Variants in PIK3R2 observed in about 807,000 individuals in gnomAD.
The protein encoded by PIK3R2 is phosphatidylinositol 3-kinase regulatory subunit beta.
In PIK3R2, 40 loss-of-function variants were observed where a neutral mutation model predicts 78.5. The ratio of observed to expected loss-of-function variants is 0.51; its 90% CI spans 0.40 to 0.66. The LOEUF is 0.66. Ranked by LOEUF, PIK3R2 falls within the 30% of genes least tolerant of loss-of-function variation. The pLI is 0.00. For missense variants in PIK3R2, 880 were observed against 1,026.6 expected (o/e 0.86, Z 1.95); for synonymous variants, 473 against 457.7 (o/e 1.03, Z -0.43).
At position 18,155,645 on chromosome 19, in the gene PIK3R2, C is replaced by A; in HGVS notation, c.-235C>A. 1 of 543,968 alleles carries A rather than the reference C, an allele frequency of 1.8e-6. No individual in the cohort carries two copies. The highest frequency in any genetic ancestry group is 3.3e-5 in the East Asian group (1 of 29,936). 33.7% of individuals were successfully genotyped at this position (543,968 alleles called of 1,614,324 possible). ...GTGACCTGACACCACACCACCAACT[C>A]CCTCCCACCAGCTGACGAATGGTGG... On this transcript the variant is annotated 5_prime_UTR_variant, in exon 2 of 16. Coordinates refer to ENST00000222254, the MANE Select transcript of PIK3R2 (RefSeq NM_005027.4).
intron 11 of PIK3R2, among the ~76,000 whole-genome samples, chr19:18,165,480 G>A (rs1204772744): frequency 6.6e-6 from 1 of 152,076 alleles, no homozygotes; most frequent in Non-Finnish European, 1.5e-5. Flanking sequence ...GTTGCAGTGA[G>A]CCAAGATCAC....
Position 18,167,041 on chromosome 19 carries a change from TAGG to T in PIK3R2, c.1560-85_1560-83del. 8.8e-7 allele frequency: 1 copy of T among 1,137,966 alleles called. No individual in the cohort carries two copies. The highest frequency in any genetic ancestry group is 1.2e-6 in the Non-Finnish European group (1 of 831,794). 70.5% of individuals were successfully genotyped at this position (1,137,966 alleles called of 1,614,324 possible). A position where few individuals can be genotyped will look rare whatever the true frequency, so the allele number is the denominator to read the frequency against. ...GTCCCAGCTACTCGGGAGGCTGAGG[TAGG>T]AGGGTCACCTGAGCCCAGGAGTTTG... On this transcript the variant is annotated intron_variant, in intron 12 of 15. Coordinates refer to ENST00000222254, the MANE Select transcript of PIK3R2 (RefSeq NM_005027.4). The surrounding 1 kb of genome is among the most constrained non-coding windows in gnomAD (Gnocchi z 4.5).
rs777562346 is a variant in PIK3R2, at chr19:18,162,284, T to C, written c.984T>C (p.Ala328=). ...GGAGCCCACCCTCCCTGCAGGATGC[T>C]GAGTGGTACTGGGGGGACATTTCAA... The part of the protein sequence containing the change: ...NGGSPPSLQD[A]EWYWGDISRE... Residue 328 remains alanine, a synonymous_variant, in exon 8 of 16, where the codon GCT becomes GCC. Coordinates refer to ENST00000222254, the MANE Select transcript of PIK3R2 (RefSeq NM_005027.4). 1 of 1,609,724 alleles carries C rather than the reference T, an allele frequency of 6.2e-7. No individual in the cohort carries two copies. The highest frequency in any genetic ancestry group is 2.2e-5 in the East Asian group (1 of 44,816).
chr19:18,161,183 G>A lies in PIK3R2; in HGVS notation c.596G>A (p.Arg199Gln), dbSNP rs1322126244. ...TCGGCCGAGGCGCGCCGGGCCCTGC[G>A]GGGTGAGCCTGGCGGGTAGCCCGGG... ...EASAEARRAL[R>Q]EAAGPVGPAL... Residue 199 changes from arginine (R) to glutamine (Q), a missense_variant and splice_region_variant, in exon 5 of 16, where the codon CGG becomes CAG. By Grantham distance (43) the Arg-to-Gln change is conservative (BLOSUM62 1). Around this residue, in one of 3 missense-constraint regions of PIK3R2, gnomAD observed 456 missense variants for 486.6 expected, o/e 0.94. Transcript: ENST00000222254. The surrounding 1 kb of genome is among the most constrained non-coding windows in gnomAD (Gnocchi z 5.3). 5 of 1,545,804 alleles carry A rather than the reference G, an allele frequency of 3.2e-6. No individual in the cohort carries two copies. The highest frequency in any genetic ancestry group is 2.7e-5 in the African/African-American group (2 of 72,956).
At chr19:18,159,312 A>G (rs907351119) in intron 2 of PIK3R2, among the ~76,000 whole-genome samples, 2 of 151,684 alleles carry the variant, frequency 1.3e-5, no homozygotes, top group African/African-American at 4.8e-5. Context: ...TTATTCTGTC[A>G]TGTTTCTGGA....
In PIK3R2 at chr19:18,167,246, G is replaced by A. The variant is rs530214511; in HGVS notation, c.1676G>A (p.Arg559His). ...QASDNREIDK[R>H]MNSLKPDLMQ... ...TCGGACAACAGAGAGATCGACAAGC[G>A]CATGAACAGCCTCAAGCCGGACCTC... The change falls in exon 13 of 16, where the codon CGC (arginine) becomes CAC (histidine). Residue 559 changes from arginine to histidine, a missense_variant. Arg to His is a conservative substitution (Grantham distance 29, BLOSUM62 0). Coordinates refer to ENST00000222254, the MANE Select transcript of PIK3R2 (RefSeq NM_005027.4). The surrounding 1 kb of genome is among the most constrained non-coding windows in gnomAD (Gnocchi z 4.5). 1.9e-5 allele frequency: 30 copies of A among 1,612,440 alleles called. No homozygotes were observed. The Admixed American group carries it at 2.0e-4, about 11-fold the overall frequency.
intron 11 of PIK3R2, among the ~76,000 whole-genome samples, chr19:18,165,120 A>T (rs1361599898): frequency 6.6e-6 from 1 of 151,520 alleles, no homozygotes; most frequent in South Asian, 2.1e-4. Context: ...CTGTAATCCC[A>T]GCACTTTGGG....
At position 18,168,222 on chromosome 19, in the gene PIK3R2, T is replaced by C. The variant is rs2043827999; in HGVS notation, c.1737-253T>C. Among the ~76,000 whole-genome samples, 1 of 152,116 alleles carries C rather than the reference T, an allele frequency of 6.6e-6. No homozygotes were observed. Among genetic ancestry groups the C allele is most frequent in the Non-Finnish European group, 1.5e-5 (1 of 68,010 alleles). ...ATGAGGGGCCTGGGCTGGCATCTTC[T>C]TGGGGGACTCCATAGGCGTTAACAG... is the stretch of plus-strand genomic sequence containing the variant. On this transcript the variant is annotated intron_variant, in intron 13 of 15. Transcript: ENST00000222254. This position sits in a 1 kb window ranked among gnomAD's most constrained non-coding sequence, Gnocchi z 4.1.
At chr19:18,159,126 G>A (rs2043712340) in intron 2 of PIK3R2, among the ~76,000 whole-genome samples, 1 of 123,646 alleles carries the variant, frequency 8.1e-6, no homozygotes, top group Admixed American at 9.9e-5. Flanking sequence ...ATAGGAGTGA[G>A]CCACTGCGCC....
chr19:18,160,915 C>T lies in PIK3R2; in HGVS notation c.416-4C>T. 6.2e-7 allele frequency: 1 copy of T among 1,607,030 alleles called. No homozygotes were observed. The highest frequency in any genetic ancestry group is 8.5e-7 in the Non-Finnish European group (1 of 1,177,326). On this transcript the variant is annotated splice_region_variant and splice_polypyrimidine_tract_variant and intron_variant, in intron 3 of 15. Transcript: ENST00000222254. ...GCTGACTCGCCTGTCCCCTTCACCC[C>T]CAGGGCTGGACAGCGAATCTCACTA...
In PIK3R2 at chr19:18,163,811, G is replaced by A. The variant is rs550588481; in HGVS notation, c.1416+423G>A. On this transcript the variant is annotated intron_variant, in intron 11 of 15. Transcript: ENST00000222254. ...CACTCCAGCCTGGGTGACAGGGCAC[G>A]ACCTTGTCTCTAAAAACAGAAATAA... is the stretch of plus-strand genomic sequence containing the variant. Among the ~76,000 whole-genome samples, 7 of 49,134 alleles carry A rather than the reference G, an allele frequency of 1.4e-4. No homozygotes were observed. In the East Asian group the frequency reaches 2.7e-3, roughly 19 times the overall value. 32.2% of individuals were successfully genotyped at this position (49,134 alleles called of 152,430 possible). A position where few individuals can be genotyped will look rare whatever the true frequency, so the allele number is the denominator to read the frequency against.
chr19:18,160,832 A>C, intron 3 of PIK3R2, 87 bp from the exon 4 acceptor site: 20 of 1,377,866 alleles, frequency 1.5e-5, no homozygotes, highest in Non-Finnish European at 1.8e-5. Flanking sequence ...GCAAAGGGAG[A>C]CTGCAGGGGG....
intron 12 of PIK3R2, among the ~76,000 whole-genome samples, chr19:18,166,720 A>G (rs1216433553): frequency 6.6e-6 from 1 of 151,628 alleles, no homozygotes; most frequent in Non-Finnish European, 1.5e-5. Flanking sequence ...AAAAAAAAAA[A>G]AAAAAGAAAT....
chr19:18,158,523 CGAG>C (rs1184934794), intron 2 of PIK3R2, among the ~76,000 whole-genome samples: 2 of 83,900 alleles, frequency 2.4e-5, no homozygotes, highest in African/African-American at 4.2e-5. Context: ...CAACAAAAAA[CGAG>C]GAGGCCAAGG....
At position 18,161,348 on chromosome 19, in the gene PIK3R2, G is replaced by A. The variant is rs1364465738; in HGVS notation, c.668G>A (p.Arg223His). The change falls in exon 6 of 16, where the codon CGC (arginine) becomes CAC (histidine). Residue 223 changes from arginine to histidine, a missense_variant. By Grantham distance (29) the Arg-to-His change is conservative. Around this residue, in one of 3 missense-constraint regions of PIK3R2, gnomAD observed 456 missense variants for 486.6 expected, o/e 0.94. Coordinates refer to ENST00000222254, the MANE Select transcript of PIK3R2 (RefSeq NM_005027.4). This position sits in a 1 kb window ranked among gnomAD's most constrained non-coding sequence, Gnocchi z 5.3. ...TLPLHRALTL[R>H]FLLQHLGRVA... ...CCGCTGCACCGCGCGCTCACGCTGC[G>A]CTTCCTGCTCCAGCACCTGGGCCGC... 8 of 1,323,496 alleles carry A rather than the reference G, an allele frequency of 6.0e-6. No individual in the cohort carries two copies. The highest frequency in any genetic ancestry group is 6.7e-6 in the Non-Finnish European group (7 of 1,040,250). 82.0% of individuals were successfully genotyped at this position (1,323,496 alleles called of 1,614,324 possible). A position where few individuals can be genotyped will look rare whatever the true frequency, so the allele number is the denominator to read the frequency against.
At chr19:18,162,803 T>C (rs1290601534) in intron 9 of PIK3R2, 164 bp from the exon 10 acceptor site, 3 of 635,724 alleles carry the variant, frequency 4.7e-6, no homozygotes, top group African/African-American at 3.7e-5. Context: ...GGCAGGAGAA[T>C]TGCTTGAACC....
At chr19:18,159,138 G>A (rs1468838966) in intron 2 of PIK3R2, among the ~76,000 whole-genome samples, 2 of 11,692 alleles carry the variant, frequency 1.7e-4, no homozygotes, top group Non-Finnish European at 4.2e-4. Context: ...CACTGCGCCT[G>A]GCCTCCTTTT....
In PIK3R2 at chr19:18,167,124, C is replaced by A; in HGVS notation, c.1560-6C>A. The A allele has an allele frequency of 6.4e-7, 1 of 1,568,314 alleles. No homozygotes were observed. The highest frequency in any genetic ancestry group is 8.7e-7 in the Non-Finnish European group (1 of 1,154,314). On this transcript the variant is annotated splice_region_variant and splice_polypyrimidine_tract_variant and intron_variant, in intron 12 of 15. Transcript: ENST00000222254. The surrounding 1 kb of genome is among the most constrained non-coding windows in gnomAD (Gnocchi z 4.5). Reference sequence around the variant, plus strand: ...AGGTCTCTGCGCCACCCCACCCCTCCCACAGGATCCTGCTGAACTCCGAGC... The same window carrying A: ...AGGTCTCTGCGCCACCCCACCCCTCACACAGGATCCTGCTGAACTCCGAGC...
intron 3 of PIK3R2, 51 bp from the exon 4 acceptor site, chr19:18,160,868 G>A: frequency 6.4e-7 from 1 of 1,570,118 alleles, no homozygotes; most frequent in Non-Finnish European, 8.6e-7. Context: ...CAGGCCTCAC[G>A]AGGTCGGGGC....
Sources: allele counts gnomAD v4.1 joint callset (sites outside exome capture counted in the v4.1 genomes callset), GRCh38; gene constraint gnomAD v4.1.1; regional missense constraint gnomAD v4.1.1; non-coding constraint Gnocchi (gnomAD v3.1); transcripts MANE v1.5; gene names NCBI Gene and HGNC (gene_info 2026-07-23, HGNC 2026-07-21).